AGMO: variants seen among roughly 807,000 people sequenced by gnomAD.
The protein encoded by AGMO is glyceryl-ether monooxygenase.
AGMO carries 75 observed loss-of-function variants against 60.2 expected under a neutral mutation model. The ratio of observed to expected loss-of-function variants is 1.25; its 90% CI spans 1.03 to 1.51. The LOEUF is 1.51. AGMO is among the 40% of genes most tolerant of loss of function. AGMO has a pLI of 0.00. For missense variants in AGMO, 763 were observed against 525.5 expected, an observed-to-expected ratio of 1.45 and a Z score of -4.42; for synonymous variants, 261 against 177.1, an observed-to-expected ratio of 1.47 and a Z score of -3.76.
chr7:15,475,219 T>C (rs1782562322), intron 3 of AGMO, among the ~76,000 whole-genome samples: 1 of 152,096 alleles, frequency 6.6e-6, no homozygotes, highest in African/African-American at 2.4e-5. Flanking sequence ...TATAAATCAT[T>C]CTACTATAAA....
intron 12 of AGMO, among the ~76,000 whole-genome samples, chr7:15,319,548 A>C (rs1291001101): frequency 6.6e-6 from 1 of 152,188 alleles, no homozygotes; most frequent in African/African-American, 2.4e-5. Flanking sequence ...GGGTTGAATT[A>C]AAGTTACCTG....
rs1426663568 is a variant in AGMO, at chr7:15,322,678, GTATA to G, written c.1263+42832_1263+42835del. Reference sequence around the variant, plus strand: ...TATATATAAATATATATAAATATATGTATATATAAATATATGAATATGTATAAAT... The same window carrying G: ...TATATATAAATATATATAAATATATGTATAAATATATGAATATGTATAAAT... On this transcript the variant is annotated intron_variant, in intron 12 of 12. Transcript: ENST00000342526. Among the ~76,000 whole-genome samples the G allele has an allele frequency of 1.7e-4, 7 of 42,294 alleles. 2 individuals carry two copies. The highest frequency in any genetic ancestry group is 1.2e-3 in the South Asian group (2 of 1,610). 27.7% of individuals were successfully genotyped at this position (42,294 alleles called of 152,430 possible).
intron 3 of AGMO, among the ~76,000 whole-genome samples, chr7:15,461,493 AG>A (rs1782141368): frequency 6.6e-6 from 1 of 151,870 alleles, no homozygotes; most frequent in African/African-American, 2.4e-5. Flanking sequence ...CTAAAGGAAA[AG>A]GTGGTCTACT....
intron 12 of AGMO, among the ~76,000 whole-genome samples, chr7:15,332,379 T>A (rs2128544894): frequency 6.6e-6 from 1 of 152,278 alleles, no homozygotes; most frequent in Admixed American, 6.5e-5. Flanking sequence ...ACATGGAGAC[T>A]AAAGGTCTGT....
chr7:15,216,828 G>C (rs1339646075), intron 12 of AGMO, among the ~76,000 whole-genome samples: 1 of 124,286 alleles, frequency 8.0e-6, no homozygotes, highest in Non-Finnish European at 1.7e-5. Context: ...CAAAGTGAAA[G>C]AAAAAGTGTG....
chr7:15,328,678 A>G (rs1023596044), intron 12 of AGMO, among the ~76,000 whole-genome samples: 2 of 152,128 alleles, frequency 1.3e-5, no homozygotes, highest in African/African-American at 2.4e-5. Context: ...AGTCAAACCA[A>G]TATTTCTTTT....
chr7:15,464,872 A>C (rs548501301), intron 3 of AGMO, among the ~76,000 whole-genome samples: 79 of 152,334 alleles, frequency 5.2e-4, no homozygotes, highest in African/African-American at 1.8e-3. Flanking sequence ...TGAATAGGAA[A>C]TAATAACTTG....
the AGMO span, among the ~76,000 whole-genome samples, chr7:15,156,870 C>T: frequency 0.73 from 111,148 of 151,974 alleles, 41,077 homozygotes; most frequent in East Asian, 0.98. Context: ...GGCTCTCCAC[C>T]TTACAAATAT....
intron 12 of AGMO, among the ~76,000 whole-genome samples, chr7:15,353,088 A>T (rs891320680): frequency 6.6e-6 from 1 of 152,014 alleles, no homozygotes; most frequent in South Asian, 2.1e-4. Flanking sequence ...GATTATTTTT[A>T]AAAAGGTGGG....
chr7:15,531,819 A>C (rs10261814), intron 3 of AGMO, among the ~76,000 whole-genome samples: 120,585 of 149,920 alleles, frequency 0.8, 48,690 homozygotes, highest in East Asian at 0.97. Context: ...CAGGTGCCCA[A>C]CACCATGCCC....
At chr7:15,430,360 T>A (rs904797977) in intron 4 of AGMO, among the ~76,000 whole-genome samples, 2 of 151,742 alleles carry the variant, frequency 1.3e-5, no homozygotes, top group East Asian at 3.9e-4. Flanking sequence ...TCATGTATTT[T>A]CATAACCAAG....
At chr7:15,326,164 T>C (rs1012395968) in intron 12 of AGMO, among the ~76,000 whole-genome samples, 6 of 152,076 alleles carry the variant, frequency 3.9e-5, no homozygotes, top group African/African-American at 1.4e-4. Flanking sequence ...ATTTATTAAA[T>C]ACATTTGAAT....
intron 3 of AGMO, among the ~76,000 whole-genome samples, chr7:15,433,430 T>C (rs552243028): frequency 2.3e-5 from 3 of 131,776 alleles, no homozygotes; most frequent in East Asian, 4.3e-4. Flanking sequence ...CTTTTCAGAA[T>C]TGGTAAAAAA....
At chr7:15,318,512 G>A (rs1781009758) in intron 12 of AGMO, among the ~76,000 whole-genome samples, 1 of 152,032 alleles carries the variant, frequency 6.6e-6, no homozygotes, top group Non-Finnish European at 1.5e-5. Flanking sequence ...CAAATAAGCT[G>A]ATATGATTGA....
chr7:15,143,361 G>A, the AGMO span, among the ~76,000 whole-genome samples: 1 of 152,120 alleles, frequency 6.6e-6, no homozygotes, highest in Non-Finnish European at 1.5e-5. Context: ...TATGTGACAT[G>A]CTGAGGTGGT....
At chr7:15,461,414 G>GC (rs1782138684) in intron 3 of AGMO, among the ~76,000 whole-genome samples, 1 of 151,560 alleles carries the variant, frequency 6.6e-6, no homozygotes, top group African/African-American at 2.4e-5. Context: ...TTCATTGTTA[G>GC]CACCTCTGGA....
chr7:15,504,297 T>TA lies in AGMO; in HGVS notation c.409+40474dup, dbSNP rs559354780. Among the ~76,000 whole-genome samples, 300 of 152,048 alleles carry TA rather than the reference T, an allele frequency of 2.0e-3. 1 individual carries two copies. Among genetic ancestry groups the TA allele is most frequent in the Non-Finnish European group, 3.2e-3 (220 of 67,896 alleles). On this transcript the variant is annotated intron_variant, in intron 3 of 12. Transcript: ENST00000342526. ...TTTGTAACTAGAAACTTTATAAAGA[T>TA]AAATGTGAGGAGGGAAAAATTAGGG...
chr7:15,182,129 T>G, the AGMO span, among the ~76,000 whole-genome samples: 128 of 152,302 alleles, frequency 8.4e-4, no homozygotes, highest in African/African-American at 3.0e-3. Context: ...TAATTCCACT[T>G]GTATGAGGTG....
the AGMO span, among the ~76,000 whole-genome samples, chr7:15,129,587 A>T: frequency 1.2e-4 from 18 of 152,246 alleles, no homozygotes; most frequent in African/African-American, 4.3e-4. Context: ...ACTTAAAAAT[A>T]TATTCTTTAA....
Sources: allele counts gnomAD v4.1 joint callset (sites outside exome capture counted in the v4.1 genomes callset), GRCh38; gene constraint gnomAD v4.1.1; transcripts MANE v1.5; gene names NCBI Gene and HGNC (gene_info 2026-07-23, HGNC 2026-07-21).